FAM53A: variants seen among roughly 807,000 people sequenced by gnomAD.
FAM53A encodes protein FAM53A.
FAM53A carries 28 observed loss-of-function variants against 26.6 expected under a neutral mutation model. The observed-to-expected ratio is 1.05, with a 90% confidence interval of 0.78 to 1.45. FAM53A has a LOEUF of 1.45. Among genes scored for constraint, FAM53A ranks in the 40% most tolerant of loss-of-function variants. The probability of loss-of-function intolerance (pLI) is 0.00; values close to 1 mark genes in which losing one functional copy is unlikely to be tolerated. For synonymous variants in FAM53A, 290 were observed against 253.1 expected, an observed-to-expected ratio of 1.15 and a Z score of -1.38; for missense variants, 650 against 575.8, an observed-to-expected ratio of 1.13 and a Z score of -1.32.
intron 4 of FAM53A, among the ~76,000 whole-genome samples, chr4:1,653,085 C>G (rs551949062): frequency 2.1e-5 from 3 of 139,630 alleles, no homozygotes; most frequent in South Asian, 5.1e-4. Flanking sequence ...ACATCACACA[C>G]CACATACACC....
chr4:1,678,114 G>A (rs1367994901), intron 1 of FAM53A, among the ~76,000 whole-genome samples: 1 of 152,184 alleles, frequency 6.6e-6, no homozygotes, highest in African/African-American at 2.4e-5. Flanking sequence ...GCTCACAACT[G>A]TAATCCCTGT....
At chr4:1,670,103 C>T (rs935679118) in intron 1 of FAM53A, among the ~76,000 whole-genome samples, 2 of 152,058 alleles carry the variant, frequency 1.3e-5, no homozygotes, top group South Asian at 2.1e-4. Context: ...TCAGAAGGAC[C>T]GCCCGGCCAC....
At chr4:1,596,566 C>T in the FAM53A span, among the ~76,000 whole-genome samples, 1 of 152,190 alleles carries the variant, frequency 6.6e-6, no homozygotes, top group Non-Finnish European at 1.5e-5. Context: ...ATCTGCCCTC[C>T]ATTTCCACAG....
chr4:1,599,142 G>C, the FAM53A span, among the ~76,000 whole-genome samples: 2 of 150,040 alleles, frequency 1.3e-5, no homozygotes, highest in Admixed American at 6.6e-5. The surrounding 1 kb of genome is among the most constrained non-coding windows in gnomAD (Gnocchi z 6.1). Flanking sequence ...GAGGCCAGGG[G>C]ATCCAGGGTG....
intron 4 of FAM53A, among the ~76,000 whole-genome samples, chr4:1,650,290 C>A (rs1353331814): frequency 6.9e-6 from 1 of 144,334 alleles, no homozygotes; most frequent in Admixed American, 6.9e-5. Context: ...TGAGGTGGCA[C>A]AGGCGTGGTG....
At chr4:1,628,013 T>A (rs1039475446) in intron 1 of FAM53A, among the ~76,000 whole-genome samples, 4 of 108,470 alleles carry the variant, frequency 3.7e-5, no homozygotes, top group South Asian at 3.6e-4. Flanking sequence ...TCAACCCACA[T>A]GCACCTGGGT....
the FAM53A span, among the ~76,000 whole-genome samples, chr4:1,609,677 T>C: frequency 6.6e-6 from 1 of 152,030 alleles, no homozygotes; most frequent in African/African-American, 2.4e-5. Flanking sequence ...TAAACCTCTT[T>C]CCTGGCCAGG....
the FAM53A span, among the ~76,000 whole-genome samples, chr4:1,591,405 C>A: frequency 6.6e-6 from 1 of 152,100 alleles, no homozygotes; most frequent in Non-Finnish European, 1.5e-5. Flanking sequence ...AAGAAGCCAG[C>A]CACCCCTGTA....
chr4:1,625,630 G>T (rs111500418), intron 1 of FAM53A, among the ~76,000 whole-genome samples: 7 of 83,228 alleles, frequency 8.4e-5, no homozygotes, highest in African/African-American at 2.7e-4. Context: ...TCAGGGTCAC[G>T]CCAGGTGATC....
chr4:1,680,334 A>AAC (rs1383084615), intron 1 of FAM53A, among the ~76,000 whole-genome samples: 66 of 149,938 alleles, frequency 4.4e-4, no homozygotes, highest in African/African-American at 1.4e-3. Context: ...AAAAAAAAAA[A>AAC]AAAAAAAAAA....
At chr4:1,651,031 A>G (rs905035015) in intron 4 of FAM53A, among the ~76,000 whole-genome samples, 2 of 148,342 alleles carry the variant, frequency 1.3e-5, no homozygotes, top group Admixed American at 6.7e-5. Flanking sequence ...AGCCTGGCCA[A>G]CGTGGTGAAA....
At chr4:1,627,386 G>A (rs972707927) in intron 1 of FAM53A, among the ~76,000 whole-genome samples, 6 of 152,194 alleles carry the variant, frequency 3.9e-5, no homozygotes, top group African/African-American at 1.2e-4. Flanking sequence ...GCCGACTGAC[G>A]GATACACCTC....
intron 4 of FAM53A, among the ~76,000 whole-genome samples, chr4:1,652,974 C>T (rs1432523472): frequency 2.7e-5 from 4 of 150,300 alleles, no homozygotes; most frequent in South Asian, 4.2e-4. Context: ...GCATACACTA[C>T]ACCACATACA....
chr4:1,674,217 G>A (rs1446187357), intron 1 of FAM53A, among the ~76,000 whole-genome samples: 1 of 152,152 alleles, frequency 6.6e-6, no homozygotes, highest in Non-Finnish European at 1.5e-5. Flanking sequence ...GGCAGTTCCT[G>A]GCTTATAGCT....
downstream of FAM53A, among the ~76,000 whole-genome samples, chr4:1,613,812 A>C (rs909300967): frequency 6.6e-6 from 1 of 152,226 alleles, no homozygotes; most frequent in Non-Finnish European, 1.5e-5. Context: ...AAAGTTCAAT[A>C]GTTATTTTTT....
rs574452233 is a variant in FAM53A, at chr4:1,645,301, G to A, written c.883-3694C>T. Among the ~76,000 whole-genome samples, 25 of 152,354 alleles carry A rather than the reference G, an allele frequency of 1.6e-4. No homozygotes were observed. In the South Asian group the frequency reaches 2.5e-3, roughly 15 times the overall value. On this transcript the variant is annotated intron_variant, in intron 4 of 4. Coordinates refer to ENST00000308132, the MANE Select transcript of FAM53A (RefSeq NM_001174070.3). ...AGCAAGCTCCGTGCGTGTGTCAGGC[G>A]AGGAGGCCAGTGTGAGAAGCACCGG... is the stretch of plus-strand genomic sequence containing the variant.
the FAM53A span, among the ~76,000 whole-genome samples, chr4:1,609,089 C>T: frequency 6.6e-6 from 1 of 152,116 alleles, no homozygotes; most frequent in Non-Finnish European, 1.5e-5. Context: ...CAAGCCCTGG[C>T]TCCTGCTCAG....
the FAM53A span, chr4:1,580,363 C>A: frequency 6.6e-6 from 1 of 152,268 alleles, no homozygotes; most frequent in Non-Finnish European, 1.5e-5. Context: ...AGCAGCCATA[C>A]CCCGCGGGCC....
chr4:1,662,602 A>T (rs1713920629), intron 2 of FAM53A, among the ~76,000 whole-genome samples: 1 of 148,906 alleles, frequency 6.7e-6, no homozygotes, highest in Non-Finnish European at 1.5e-5. Context: ...GTGAGCAGTG[A>T]TTGAGACCCT....
Sources: gnomAD v4.1 joint callset for allele counts (sites outside exome capture counted in the v4.1 genomes callset) on GRCh38, gnomAD v4.1.1 for gene constraint, Gnocchi (gnomAD v3.1) non-coding constraint, MANE v1.5 for transcripts, NCBI Gene and HGNC (gene_info 2026-07-23, HGNC 2026-07-21) for gene names.